Variants in PBX1 observed in about 807,000 individuals in gnomAD.
PBX1 encodes pre-B-cell leukemia transcription factor 1.
In PBX1, 6 loss-of-function variants were observed where a neutral mutation model predicts 53.4. The observed-to-expected ratio is 0.11, with a 90% CI of 0.06 to 0.22. The LOEUF is 0.22. Ranked by LOEUF, PBX1 falls within the 10% of genes least tolerant of loss-of-function variation. The pLI, the probability that PBX1 is intolerant of heterozygous loss-of-function variation, is 1.00. For synonymous variants in PBX1, 204 were observed against 212.3 expected, an observed-to-expected ratio of 0.96 and a Z score of 0.34; for missense variants, 251 against 551.4, an observed-to-expected ratio of 0.46 and a Z score of 5.46.
Position 164,851,753 on chromosome 1 carries a change from G to T in PBX1, c.*5077G>T, listed in dbSNP as rs913299221. On this transcript the variant is annotated 3_prime_UTR_variant, in exon 9 of 9. Transcript: ENST00000420696. ...TGTGTTCTCTAATGATACTAACACG[G>T]TGTAGGTTTTACAGTCTCCTAATTT... 4 of 178,586 alleles carry T rather than the reference G, an allele frequency of 2.2e-5. No individual in the cohort carries two copies. Among genetic ancestry groups the T allele is most frequent in the Non-Finnish European group, 4.8e-5 (4 of 83,310 alleles). The allele number at this position is 178,586 out of a possible 1,614,324, so 11.1% of individuals were successfully genotyped here. A position where few individuals can be genotyped will look rare whatever the true frequency, so the allele number is the denominator to read the frequency against.
chr1:164,667,040 G>A (rs962194621), intron 2 of PBX1, among the ~76,000 whole-genome samples: 2 of 151,786 alleles, frequency 1.3e-5, no homozygotes, highest in Non-Finnish European at 2.9e-5. Context: ...TAAGAATAGA[G>A]CCTGACATCG....
rs549577513 is a variant in PBX1, at chr1:164,846,525, C to T, written c.1201-59C>T. On this transcript the variant is annotated intron_variant, in intron 8 of 8. Coordinates refer to ENST00000420696, the MANE Select transcript of PBX1 (RefSeq NM_002585.4). ...ACACAAGATGCCTCATTGTCATTGT[C>T]TGCTGAAAACAGCCACCCAATCTCA... The T allele has an allele frequency of 7.6e-6, 11 of 1,438,058 alleles. No homozygotes were observed. The Admixed American group carries it at 1.5e-4, about 20-fold the overall frequency. 89.1% of individuals were successfully genotyped at this position (1,438,058 alleles called of 1,614,324 possible).
intron 2 of PBX1, among the ~76,000 whole-genome samples, chr1:164,648,531 A>G (rs1201517807): frequency 6.6e-6 from 1 of 152,144 alleles, no homozygotes; most frequent in East Asian, 1.9e-4. Context: ...TATCCTCCCC[A>G]TTTTACAGAG....
chr1:164,850,388 C>A lies in PBX1; in HGVS notation c.*3712C>A, dbSNP rs1340665187. ...GAATAGTGAGCATAATAGGTACAAC[C>A]TAACACATTATTATGTTTATTAACT... On this transcript the variant is annotated 3_prime_UTR_variant, in exon 9 of 9. Coordinates refer to ENST00000420696, the MANE Select transcript of PBX1 (RefSeq NM_002585.4). 9.7e-6 allele frequency: 2 copies of A among 205,556 alleles called. No homozygotes were observed. The highest frequency in any genetic ancestry group is 2.0e-5 in the Non-Finnish European group (2 of 101,406). 12.7% of individuals were successfully genotyped at this position (205,556 alleles called of 1,614,324 possible). A position where few individuals can be genotyped will look rare whatever the true frequency, so the allele number is the denominator to read the frequency against.
rs780054564 is a variant in PBX1 at position 164,847,034 on chromosome 1, A to T, written c.*358A>T. Reference sequence around the variant, plus strand: ...AATTAGAGGAATTTAAAGAGGAAAAAAATTACAAAGAAAATAATAAAAGTG... The same window carrying T: ...AATTAGAGGAATTTAAAGAGGAAAATAATTACAAAGAAAATAATAAAAGTG... On this transcript the variant is annotated 3_prime_UTR_variant, in exon 9 of 9. Transcript: ENST00000420696. The T allele has an allele frequency of 7.1e-6, 8 of 1,127,844 alleles. No individual in the cohort carries two copies. Among genetic ancestry groups the T allele is most frequent in the Non-Finnish European group, 8.7e-6 (8 of 917,064 alleles). The allele number at this position is 1,127,844 out of a possible 1,614,324, so 69.9% of individuals were successfully genotyped here.
intron 2 of PBX1, among the ~76,000 whole-genome samples, chr1:164,788,580 T>C (rs1454227394): frequency 6.6e-6 from 1 of 152,160 alleles, no homozygotes; most frequent in Non-Finnish European, 1.5e-5. Context: ...CTGAATTTTC[T>C]ATGCAAAATA....
chr1:164,704,224 A>G (rs1439020268), intron 2 of PBX1, among the ~76,000 whole-genome samples: 7 of 152,224 alleles, frequency 4.6e-5, no homozygotes, highest in Non-Finnish European at 8.8e-5. Flanking sequence ...TATGATAATA[A>G]CTATAAAGAA....
intron 4 of PBX1, among the ~76,000 whole-genome samples, chr1:164,806,516 G>A (rs1558019371): frequency 6.6e-6 from 1 of 152,116 alleles, no homozygotes; most frequent in Non-Finnish European, 1.5e-5. Flanking sequence ...GGATAGAATG[G>A]AAAGAACATG....
intron 8 of PBX1, among the ~76,000 whole-genome samples, chr1:164,835,375 A>C (rs573422298): frequency 5.1e-4 from 78 of 152,188 alleles, no homozygotes; most frequent in Non-Finnish European, 9.0e-4. Context: ...GGTATGCATA[A>C]GTTTACAGTC....
chr1:164,800,201 A>T (rs569926857), intron 4 of PBX1, among the ~76,000 whole-genome samples: 82 of 152,238 alleles, frequency 5.4e-4, no homozygotes, highest in African/African-American at 1.9e-3. Flanking sequence ...TCTTATAACT[A>T]TGGGCCTGCA....
chr1:164,841,050 C>T (rs1373823704), intron 8 of PBX1, among the ~76,000 whole-genome samples: 3 of 152,136 alleles, frequency 2.0e-5, no homozygotes, highest in Non-Finnish European at 4.4e-5. Context: ...AGATAAATTC[C>T]ACACCCTTGC....
At chr1:164,686,977 G>A (rs1361464596) in intron 2 of PBX1, among the ~76,000 whole-genome samples, 3 of 151,374 alleles carry the variant, frequency 2.0e-5, no homozygotes, top group East Asian at 1.9e-4. Flanking sequence ...CCAAAAAAAC[G>A]AAAACAAAAA....
At chr1:164,836,947 G>T (rs1028127872) in intron 8 of PBX1, among the ~76,000 whole-genome samples, 1 of 152,206 alleles carries the variant, frequency 6.6e-6, no homozygotes, top group Non-Finnish European at 1.5e-5. Flanking sequence ...TGCTATTAAT[G>T]TCCTAAGTGT....
intron 2 of PBX1, among the ~76,000 whole-genome samples, chr1:164,723,078 A>T (rs749365200): frequency 5.3e-5 from 8 of 152,164 alleles, no homozygotes; most frequent in African/African-American, 1.2e-4. Context: ...CATTTTATAA[A>T]TGCGAGGATG....
intron 2 of PBX1, among the ~76,000 whole-genome samples, chr1:164,584,620 T>G (rs1236453063): frequency 1.3e-5 from 2 of 152,044 alleles, no homozygotes; most frequent in Non-Finnish European, 2.9e-5. Context: ...ATTTTGTGTT[T>G]TGGTGTGTGA....
chr1:164,788,808 G>A (rs1380758613), intron 2 of PBX1, among the ~76,000 whole-genome samples: 3 of 141,058 alleles, frequency 2.1e-5, no homozygotes, highest in African/African-American at 8.1e-5. Context: ...TCTGATTGGG[G>A]ACCTATTTAT....
intron 2 of PBX1, among the ~76,000 whole-genome samples, chr1:164,651,053 C>G (rs1253070597): frequency 1.3e-5 from 2 of 152,142 alleles, no homozygotes; most frequent in Non-Finnish European, 2.9e-5. Context: ...CAGCTCCCAC[C>G]CCAGCCTCCT....
chr1:164,590,418 G>A (rs775521524), intron 2 of PBX1: 7 of 455,726 alleles, frequency 1.5e-5, no homozygotes, highest in African/African-American at 1.2e-4. Flanking sequence ...AATCGCCGCC[G>A]CCCCCCTGTG....
At chr1:164,686,936 G>A (rs980132581) in intron 2 of PBX1, among the ~76,000 whole-genome samples, 3 of 150,736 alleles carry the variant, frequency 2.0e-5, no homozygotes, top group African/African-American at 7.3e-5. Context: ...CAGCCTGGGC[G>A]ACAGAGCGAG....
Sources: gnomAD v4.1 joint callset for allele counts (sites outside exome capture counted in the v4.1 genomes callset) on GRCh38, gnomAD v4.1.1 for gene constraint, MANE v1.5 for transcripts, NCBI Gene and HGNC (gene_info 2026-07-23, HGNC 2026-07-21) for gene names.